The following PRKN variants were observed in gnomAD, a reference collection of about 807,000 sequenced individuals.
PRKN encodes the protein parkin RBR E3 ubiquitin protein ligase, also known as E3 ubiquitin-protein ligase parkin.
A neutral mutation model predicts 59.5 loss-of-function variants in PRKN; 56 were observed. The ratio of observed to expected loss-of-function variants is 0.94; its 90% confidence interval spans 0.76 to 1.18. The LOEUF (loss-of-function observed/expected upper bound fraction) is 1.18, where lower values mean the gene tolerates loss of function less well. Ranked by LOEUF, PRKN falls within the 50% of genes most tolerant of loss-of-function variation. The pLI, the probability that PRKN is intolerant of heterozygous loss-of-function variation, is 0.00. For synonymous variants in PRKN, 250 were observed against 222.1 expected, an observed-to-expected ratio of 1.13 and a Z score of -1.12; for missense variants, 657 against 596.4, an observed-to-expected ratio of 1.10 and a Z score of -1.06.
intron 1 of PRKN, among the ~76,000 whole-genome samples, chr6:162,583,430 T>C (rs1780867576): frequency 6.6e-6 from 1 of 152,208 alleles, no homozygotes; most frequent in African/African-American, 2.4e-5. Context: ...CTGGAGTCAC[T>C]TTTCCTTCGA....
chr6:162,410,426 C>A (rs1176354011), intron 2 of PRKN, among the ~76,000 whole-genome samples: 2 of 152,168 alleles, frequency 1.3e-5, no homozygotes, highest in Non-Finnish European at 2.9e-5. Flanking sequence ...AAAGTCCACA[C>A]CCTCCATCTA....
intron 4 of PRKN, among the ~76,000 whole-genome samples, chr6:162,084,774 A>G (rs912862374): frequency 3.3e-5 from 5 of 152,014 alleles, no homozygotes; most frequent in African/African-American, 1.2e-4. Context: ...TGTGTATTTA[A>G]AAAATACTCA....
rs1194371893 is a variant in PRKN, at chr6:161,973,318, T to C, written c.718A>G (p.Thr240Ala). The change falls in exon 6 of 12, where the codon ACG becomes GCG. Residue 240 changes from threonine to alanine, a missense_variant. Thr to Ala is a moderately conservative substitution (Grantham distance 58, BLOSUM62 0). Transcript: ENST00000366898. Reference sequence around the variant, plus strand: ...GATCCTTACCTGACGTCTGTGCACGTAATGCAAGTGATGTTCCGACTATTT... The same window carrying C: ...GATCCTTACCTGACGTCTGTGCACGCAATGCAAGTGATGTTCCGACTATTT... ...ATNSRNITCITCTDVRSPVLV... is the reference protein window; with the variant it reads ...ATNSRNITCIACTDVRSPVLV... 3.7e-6 allele frequency: 6 copies of C among 1,611,388 alleles called. No individual in the cohort carries two copies. The highest frequency in any genetic ancestry group is 1.7e-4 in the Middle Eastern group (1 of 6,054).
chr6:161,644,676 T>C (rs13190938), intron 7 of PRKN, among the ~76,000 whole-genome samples: 34,151 of 152,076 alleles, frequency 0.22, 4,233 homozygotes, highest in Middle Eastern at 0.34. Flanking sequence ...CAGGGAAATA[T>C]AGATAGGGAA....
chr6:162,042,217 GAAAC>G (rs1784092213), intron 5 of PRKN, among the ~76,000 whole-genome samples: 1 of 151,844 alleles, frequency 6.6e-6, no homozygotes, highest in Non-Finnish European at 1.5e-5. Flanking sequence ...TAACATAAAT[GAAAC>G]AAACATTTAT....
rs1320285957 is a variant in PRKN, at chr6:161,538,149, G to A, written c.1083+10705C>T. Among the ~76,000 whole-genome samples, 3 of 152,154 alleles carry A rather than the reference G, an allele frequency of 2.0e-5. No individual in the cohort carries two copies. The highest frequency in any genetic ancestry group is 6.5e-5 in the Admixed American group (1 of 15,278). On this transcript the variant is annotated intron_variant, in intron 9 of 11. Transcript: ENST00000366898. The surrounding 1 kb of genome is among the most constrained non-coding windows in gnomAD (Gnocchi z 4.2). ...AAGAAAATTGCTTTTTGGAAGTGCA[G>A]CAATAGGCCCGCTTGACAAATTACC... is the stretch of plus-strand genomic sequence containing the variant.
chr6:161,733,647 C>T (rs937271073), intron 7 of PRKN, among the ~76,000 whole-genome samples: 14 of 151,388 alleles, frequency 9.2e-5, no homozygotes, highest in African/African-American at 3.4e-4. Flanking sequence ...AAGCTTGATC[C>T]CAAAGAGAGA....
chr6:161,901,354 G>A (rs1455126606), intron 6 of PRKN, among the ~76,000 whole-genome samples: 1 of 152,188 alleles, frequency 6.6e-6, no homozygotes, highest in Non-Finnish European at 1.5e-5. Flanking sequence ...TTAAACTGCA[G>A]GATAAATCAG....
intron 2 of PRKN, among the ~76,000 whole-genome samples, chr6:162,374,614 G>A (rs1417749585): frequency 6.6e-6 from 1 of 151,310 alleles, no homozygotes; most frequent in African/African-American, 2.4e-5. Flanking sequence ...TGTTGGCTTC[G>A]TGGTACTTTT....
At chr6:162,173,113 CT>C (rs1290938008) in intron 4 of PRKN, among the ~76,000 whole-genome samples, 2 of 152,170 alleles carry the variant, frequency 1.3e-5, no homozygotes, top group Non-Finnish European at 2.9e-5. Context: ...TCTGCTGTTC[CT>C]TTCTTTCCAA....
At position 161,652,665 on chromosome 6, in the gene PRKN, G is replaced by A. The variant is rs956699570; in HGVS notation, c.872-83249C>T. On this transcript the variant is annotated intron_variant, in intron 7 of 11. Transcript: ENST00000366898. ...AGAAATTAAGAAATAACTTATGTATGTAGATATAAAGAAGTAAAACATGAT... is the reference window on the plus strand; with the variant it reads ...AGAAATTAAGAAATAACTTATGTATATAGATATAAAGAAGTAAAACATGAT... Among the ~76,000 whole-genome samples, 6 of 152,152 alleles carry A rather than the reference G, an allele frequency of 3.9e-5. No homozygotes were observed. In the East Asian group the frequency reaches 7.7e-4, roughly 19 times the overall value.
rs1014239224 is a variant in PRKN at position 161,584,137 on chromosome 6, T to C, written c.872-14721A>G. The stretch of plus-strand genomic sequence containing the variant: ...CTCTTCTTCCTTCCTGAGATGAAGC[T>C]TGGCATCACTCCACTCTGAAAGAAA... On this transcript the variant is annotated intron_variant, in intron 7 of 11. Transcript: ENST00000366898. This position sits in a 1 kb window ranked among gnomAD's most constrained non-coding sequence, Gnocchi z 4.8. Among the ~76,000 whole-genome samples the C allele has an allele frequency of 1.3e-5, 2 of 152,180 alleles. No individual in the cohort carries two copies. The highest frequency in any genetic ancestry group is 4.8e-5 in the African/African-American group (2 of 41,446).
intron 4 of PRKN, among the ~76,000 whole-genome samples, chr6:162,128,814 G>C (rs531541925): frequency 1.6e-4 from 25 of 152,300 alleles, no homozygotes; most frequent in Admixed American, 4.6e-4. Context: ...TCCACCATAA[G>C]AGGTTGCATA....
At chr6:162,531,411 A>G (rs1187845739) in intron 1 of PRKN, among the ~76,000 whole-genome samples, 3 of 152,122 alleles carry the variant, frequency 2.0e-5, no homozygotes, top group African/African-American at 4.8e-5. Flanking sequence ...GAGTTTTATA[A>G]TTACTCAAAT....
rs115304373 is a variant in PRKN at position 161,592,429 on chromosome 6, C to T, written c.872-23013G>A. 2.2e-3 allele frequency among the ~76,000 whole-genome samples: 340 copies of T among 152,158 alleles called. 3 individuals carry two copies. The highest frequency in any genetic ancestry group is 7.2e-3 in the African/African-American group (300 of 41,492). On this transcript the variant is annotated intron_variant, in intron 7 of 11. Coordinates refer to ENST00000366898, the MANE Select transcript of PRKN (RefSeq NM_004562.3). The surrounding 1 kb of genome is among the most constrained non-coding windows in gnomAD (Gnocchi z 4.8). ...GTTTATATAATGTGGGGCTAGTAGA[C>T]GAAAGAATATCAATATCATTTGATG... is the stretch of plus-strand genomic sequence containing the variant.
intron 1 of PRKN, chr6:162,727,314 A>T (rs912912603): frequency 1.1e-5 from 4 of 352,060 alleles, no homozygotes; most frequent in African/African-American, 6.6e-5. Flanking sequence ...CGGCGGGGCG[A>T]AGGTGAGGGG....
At chr6:161,996,830 G>A (rs939960472) in intron 5 of PRKN, among the ~76,000 whole-genome samples, 3 of 151,938 alleles carry the variant, frequency 2.0e-5, no homozygotes, top group South Asian at 4.2e-4. Flanking sequence ...ATTTTCTAGG[G>A]GAAAAACGTT....
At chr6:161,759,767 G>A (rs4288182) in intron 7 of PRKN, among the ~76,000 whole-genome samples, 82,224 of 151,872 alleles carry the variant, frequency 0.54, 22,290 homozygotes, top group East Asian at 0.55. Flanking sequence ...ACAGCCAATG[G>A]TCACCACATT....
At chr6:162,325,773 T>G (rs1783240019) in intron 2 of PRKN, among the ~76,000 whole-genome samples, 1 of 152,212 alleles carries the variant, frequency 6.6e-6, no homozygotes, top group Non-Finnish European at 1.5e-5. Flanking sequence ...TTTTGCAAGT[T>G]TTATGCCCTT....
Sources: allele counts gnomAD v4.1 joint callset (sites outside exome capture counted in the v4.1 genomes callset), GRCh38; gene constraint gnomAD v4.1.1; non-coding constraint Gnocchi (gnomAD v3.1); transcripts MANE v1.5; gene names NCBI Gene and HGNC (gene_info 2026-07-23, HGNC 2026-07-21).